The following TRIM44 variants were observed in gnomAD, a reference collection of about 807,000 sequenced individuals.
TRIM44 encodes the protein tripartite motif-containing protein 44.
Under a neutral mutation model 37.4 loss-of-function variants are expected in TRIM44, and 13 were observed. The observed-to-expected ratio is 0.35, with a 90% CI of 0.23 to 0.55. The LOEUF (loss-of-function observed/expected upper bound fraction) is 0.55. TRIM44 is among the 20% of genes least tolerant of loss of function. The pLI, the probability that TRIM44 is intolerant of heterozygous loss-of-function variation, is 0.89. For missense variants in TRIM44, 426 were observed against 437.2 expected, an observed-to-expected ratio of 0.97 and a Z score of 0.23; for synonymous variants, 175 against 157.2, an observed-to-expected ratio of 1.11 and a Z score of -0.85.
intron 2 of TRIM44, among the ~76,000 whole-genome samples, chr11:35,694,464 A>G (rs961613969): frequency 1.3e-5 from 2 of 152,296 alleles, no homozygotes; most frequent in South Asian, 2.1e-4. Context: ...CTTATAAAGT[A>G]TAAGGTTATC....
chr11:35,676,525 G>A (rs1851462257), intron 1 of TRIM44, among the ~76,000 whole-genome samples: 2 of 152,198 alleles, frequency 1.3e-5, no homozygotes, highest in South Asian at 4.1e-4. Flanking sequence ...CAGCTGGTAG[G>A]TCTAATTTTA....
intron 1 of TRIM44, among the ~76,000 whole-genome samples, chr11:35,678,027 A>G (rs1851479073): frequency 6.6e-6 from 1 of 152,196 alleles, no homozygotes. Context: ...AAGCCCTGAG[A>G]TAGAACAAGT....
intron 4 of TRIM44, among the ~76,000 whole-genome samples, chr11:35,763,748 C>T (rs771897503): frequency 1.3e-5 from 2 of 152,120 alleles, no homozygotes; most frequent in Non-Finnish European, 2.9e-5. Flanking sequence ...GGGTTGTGTG[C>T]CTTTCCTTTT....
intron 4 of TRIM44, among the ~76,000 whole-genome samples, chr11:35,792,987 A>C (rs1853234023): frequency 6.6e-6 from 1 of 152,058 alleles, no homozygotes; most frequent in South Asian, 2.1e-4. Context: ...TTGAAAATGA[A>C]ACCAATATCT....
chr11:35,725,890 C>T (rs1388957859), intron 2 of TRIM44, 34 bp from the exon 3 acceptor site: 1 of 1,606,180 alleles, frequency 6.2e-7, no homozygotes, highest in Non-Finnish European at 8.5e-7. Context: ...TTTGTATGTT[C>T]AACTTATTCT....
rs1426765158 is a variant in TRIM44, at chr11:35,808,637, A to T, written c.*2252A>T. On this transcript the variant is annotated 3_prime_UTR_variant, in exon 5 of 5. Coordinates refer to ENST00000299413, the MANE Select transcript of TRIM44 (RefSeq NM_017583.6). ...CTCAGTAACTTATCATATCTCTGTG[A>T]TCCTCAAGGAAAGCACTTTTGCTTT... 6.6e-6 allele frequency: 1 copy of T among 152,186 alleles called. No homozygotes were observed. The highest frequency in any genetic ancestry group is 1.5e-5 in the Non-Finnish European group (1 of 68,026). 9.4% of individuals were successfully genotyped at this position (152,186 alleles called of 1,614,324 possible). A position where few individuals can be genotyped will look rare whatever the true frequency, so the allele number is the denominator to read the frequency against.
In TRIM44 at chr11:35,754,475, G is replaced by A. The variant is rs183487556; in HGVS notation, c.1007+19030G>A. On this transcript the variant is annotated intron_variant, in intron 4 of 4. Coordinates refer to ENST00000299413, the MANE Select transcript of TRIM44 (RefSeq NM_017583.6). ...TAGTTGCCTCTTCTTCCATGAATCC[G>A]TCTTTGATCCTTCAATCTTTATAGT... 3.4e-4 allele frequency among the ~76,000 whole-genome samples: 52 copies of A among 152,110 alleles called. No individual in the cohort carries two copies. The East Asian group carries it at 6.2e-3, about 18-fold the overall frequency.
intron 2 of TRIM44, among the ~76,000 whole-genome samples, chr11:35,703,067 T>C (rs2135502024): frequency 6.6e-6 from 1 of 152,316 alleles, no homozygotes; most frequent in East Asian, 1.9e-4. Context: ...TACCGCGCTT[T>C]TCCGACGGGC....
chr11:35,780,568 A>G (rs1040570860), intron 4 of TRIM44, among the ~76,000 whole-genome samples: 4 of 152,210 alleles, frequency 2.6e-5, no homozygotes, highest in Non-Finnish European at 5.9e-5. Flanking sequence ...GTCTCATTTA[A>G]TTGTAACACT....
chr11:35,799,160 G>A (rs1330302788), intron 4 of TRIM44, among the ~76,000 whole-genome samples: 2 of 152,232 alleles, frequency 1.3e-5, no homozygotes, highest in Non-Finnish European at 2.9e-5. Flanking sequence ...CTATTGCAGG[G>A]CACTGCCTGG....
In TRIM44 at chr11:35,806,395, A is replaced by C. The variant is rs1157153845; in HGVS notation, c.*10A>C. ...AGAAGAGGACACATGAAGGCTTGCTACCCCCAGTGGAAAATCATCCCCTCC... is the reference window on the plus strand; with the variant it reads ...AGAAGAGGACACATGAAGGCTTGCTCCCCCCAGTGGAAAATCATCCCCTCC... On this transcript the variant is annotated 3_prime_UTR_variant, in exon 5 of 5. Transcript: ENST00000299413. 1.2e-6 allele frequency: 2 copies of C among 1,613,382 alleles called. No individual in the cohort carries two copies. Among genetic ancestry groups the C allele is most frequent in the Non-Finnish European group, 1.7e-6 (2 of 1,179,568 alleles).
At chr11:35,769,439 G>A (rs1322260968) in intron 4 of TRIM44, among the ~76,000 whole-genome samples, 2 of 152,174 alleles carry the variant, frequency 1.3e-5, no homozygotes, top group Admixed American at 1.3e-4. Context: ...CCCTGAGGGA[G>A]GTCACAGTCT....
chr11:35,781,318 C>T (rs796677648), intron 4 of TRIM44, among the ~76,000 whole-genome samples: 3 of 152,060 alleles, frequency 2.0e-5, no homozygotes, highest in African/African-American at 4.8e-5. Flanking sequence ...TGGTATTATT[C>T]GGCATTATTA....
chr11:35,723,834 G>C (rs1055224575), intron 2 of TRIM44, among the ~76,000 whole-genome samples: 2 of 152,190 alleles, frequency 1.3e-5, no homozygotes, highest in African/African-American at 4.8e-5. Flanking sequence ...TAGTGAAAAG[G>C]TTTGGTCTCT....
At chr11:35,756,844 C>T (rs561496613) in intron 4 of TRIM44, among the ~76,000 whole-genome samples, 1 of 152,292 alleles carries the variant, frequency 6.6e-6, no homozygotes, top group African/African-American at 2.4e-5. Flanking sequence ...CCTTGCATCC[C>T]AGGGATGAAG....
chr11:35,787,806 G>T (rs749786659), intron 4 of TRIM44, among the ~76,000 whole-genome samples: 88 of 152,122 alleles, frequency 5.8e-4, no homozygotes, highest in Admixed American at 1.7e-3. Context: ...TTTGTGACCC[G>T]CCTGAACCTT....
chr11:35,809,437 C>CAGTT lies in TRIM44; in HGVS notation c.*3054_*3057dup, dbSNP rs1355202764. On this transcript the variant is annotated 3_prime_UTR_variant, in exon 5 of 5. Transcript: ENST00000299413. The stretch of plus-strand genomic sequence containing the variant: ...GAATCTTCTTCAAAATGACATTTCA[C>CAGTT]AGTTATAGTTAGGGCTCAGAAATGG... 1.3e-5 allele frequency: 2 copies of CAGTT among 152,188 alleles called. No individual in the cohort carries two copies. Among genetic ancestry groups the CAGTT allele is most frequent in the African/African-American group, 4.8e-5 (2 of 41,434 alleles). The allele number at this position is 152,188 out of a possible 1,614,324, so 9.4% of individuals were successfully genotyped here. A position where few individuals can be genotyped will look rare whatever the true frequency, so the allele number is the denominator to read the frequency against.
At chr11:35,672,996 T>G (rs1317210014) in intron 1 of TRIM44, among the ~76,000 whole-genome samples, 1 of 152,192 alleles carries the variant, frequency 6.6e-6, no homozygotes, top group Non-Finnish European at 1.5e-5. Flanking sequence ...AAAGTTTATG[T>G]GAGGCCTGCA....
Position 35,759,185 on chromosome 11 carries a change from G to A in TRIM44, c.1007+23740G>A, listed in dbSNP as rs1852689441. Among the ~76,000 whole-genome samples the A allele has an allele frequency of 2.0e-5, 3 of 152,288 alleles. No homozygotes were observed. In the South Asian group the frequency reaches 6.2e-4, roughly 32 times the overall value. On this transcript the variant is annotated intron_variant, in intron 4 of 4. Coordinates refer to ENST00000299413, the MANE Select transcript of TRIM44 (RefSeq NM_017583.6). ...TTCACATAGTCCCATATTTCTTGGA[G>A]GCTTTGTTGGTTTCTTTTTATTCTT...
Sources: gnomAD v4.1 joint callset for allele counts (sites outside exome capture counted in the v4.1 genomes callset) on GRCh38, gnomAD v4.1.1 for gene constraint, MANE v1.5 for transcripts, NCBI Gene and HGNC (gene_info 2026-07-23, HGNC 2026-07-21) for gene names.